ITGA8: variants seen among roughly 807,000 people sequenced by gnomAD.
The protein encoded by ITGA8 is integrin alpha-8.
Under a neutral mutation model 142.3 loss-of-function variants are expected in ITGA8, and 91 were observed. The observed-to-expected ratio is 0.64, with a 90% CI of 0.54 to 0.76. The LOEUF is 0.76. Ranked by LOEUF, ITGA8 falls within the 30% of genes least tolerant of loss-of-function variation. The pLI is 0.00. For missense variants in ITGA8, 1,406 were observed against 1,327.7 expected, an observed-to-expected ratio of 1.06 and a Z score of -0.92; for synonymous variants, 505 against 485.2, an observed-to-expected ratio of 1.04 and a Z score of -0.54.
At chr10:15,677,078 A>C (rs994045727) in intron 6 of ITGA8, among the ~76,000 whole-genome samples, 2 of 152,230 alleles carry the variant, frequency 1.3e-5, no homozygotes, top group African/African-American at 2.4e-5. Flanking sequence ...CATACATGGA[A>C]GCTAAAAAAG....
chr10:15,561,245 A>ATATATATATATATATATATG (rs1554772750), intron 25 of ITGA8, among the ~76,000 whole-genome samples: 9 of 133,820 alleles, frequency 6.7e-5, no homozygotes, highest in African/African-American at 2.3e-4. Flanking sequence ...GTATATATAT[A>ATATATATATATATATATATG]TATATATATG....
At chr10:15,612,260 T>A (rs893609463) in intron 15 of ITGA8, among the ~76,000 whole-genome samples, 1 of 152,002 alleles carries the variant, frequency 6.6e-6, no homozygotes. Flanking sequence ...GTCCTCTAAG[T>A]CCCCACCCTC....
chr10:15,546,624 G>A (rs945996014), intron 27 of ITGA8, among the ~76,000 whole-genome samples: 2 of 151,908 alleles, frequency 1.3e-5, no homozygotes, highest in Non-Finnish European at 2.9e-5. Flanking sequence ...AACACAGCGC[G>A]ATCTGGTCTA....
intron 2 of ITGA8, among the ~76,000 whole-genome samples, chr10:15,707,890 A>T (rs369074189): frequency 6.6e-6 from 1 of 151,644 alleles, no homozygotes; most frequent in Non-Finnish European, 1.5e-5. Context: ...GCCACTAAGC[A>T]TGTGGTAATT....
chr10:15,694,014 A>G (rs1256191366), intron 2 of ITGA8, among the ~76,000 whole-genome samples: 1 of 150,842 alleles, frequency 6.6e-6, no homozygotes, highest in African/African-American at 2.4e-5. Flanking sequence ...TACTACAGAG[A>G]TCTTGCAGCG....
chr10:15,671,728 C>T lies in ITGA8; in HGVS notation c.803-81G>A, dbSNP rs1465746632. On this transcript the variant is annotated intron_variant, in intron 7 of 29. Coordinates refer to ENST00000378076, the MANE Select transcript of ITGA8 (RefSeq NM_003638.3). ...TTATATCTAGAAAAAGGTGAAAGGG[C>T]TACCATGGTACTGCTTTATTTAGAA... is the stretch of plus-strand genomic sequence containing the variant. The T allele has an allele frequency of 3.8e-6, 4 of 1,060,022 alleles. No individual in the cohort carries two copies. The African/African-American group carries it at 6.2e-5, about 16-fold the overall frequency. The allele number at this position is 1,060,022 out of a possible 1,614,324, so 65.7% of individuals were successfully genotyped here.
At chr10:15,667,415 CTTTA>C (rs1417098983) in intron 8 of ITGA8, among the ~76,000 whole-genome samples, 1 of 151,788 alleles carries the variant, frequency 6.6e-6, no homozygotes, top group Non-Finnish European at 1.5e-5. Context: ...CTCTTTTCTT[CTTTA>C]TTAGTCTTGC....
chr10:15,625,901 G>A (rs370403379), intron 13 of ITGA8, among the ~76,000 whole-genome samples: 2 of 152,174 alleles, frequency 1.3e-5, no homozygotes, highest in Admixed American at 6.5e-5. Flanking sequence ...TCGAGCTGCA[G>A]ACATAGACAA....
intron 29 of ITGA8, among the ~76,000 whole-genome samples, chr10:15,519,084 A>G (rs972702441): frequency 2.6e-5 from 4 of 152,206 alleles, no homozygotes; most frequent in Non-Finnish European, 5.9e-5. Flanking sequence ...AACATTAAGC[A>G]CCTCTAGTCA....
chr10:15,582,644 A>G (rs1834430276), intron 23 of ITGA8, among the ~76,000 whole-genome samples: 1 of 152,250 alleles, frequency 6.6e-6, no homozygotes, highest in African/African-American at 2.4e-5. Flanking sequence ...CTTCACCAAA[A>G]ATGAGATATT....
chr10:15,642,539 T>C (rs1275498154), intron 13 of ITGA8, among the ~76,000 whole-genome samples: 1 of 152,190 alleles, frequency 6.6e-6, no homozygotes, highest in Non-Finnish European at 1.5e-5. Context: ...GGGACCTAGA[T>C]TTTTGAATTA....
At chr10:15,538,853 C>A (rs1398576375) in intron 27 of ITGA8, among the ~76,000 whole-genome samples, 2 of 151,102 alleles carry the variant, frequency 1.3e-5, no homozygotes, top group Admixed American at 1.3e-4. Flanking sequence ...AATTATTAAA[C>A]TTAGAATTAG....
chr10:15,572,026 A>T (rs2131581041), intron 25 of ITGA8, among the ~76,000 whole-genome samples, 185 bp downstream of exon 25: 1 of 152,344 alleles, frequency 6.6e-6, no homozygotes, highest in Middle Eastern at 3.4e-3. Flanking sequence ...AGAAATTTAA[A>T]TTTGCTAGAA....
In ITGA8 at chr10:15,525,452, G is replaced by A. The variant is rs577994526; in HGVS notation, c.2982+5598C>T. ...GAGGTCAGGAATTCAAGACCAGCCTGGCCAACATGATGAAACCCCATCTCT... is the reference window on the plus strand; with the variant it reads ...GAGGTCAGGAATTCAAGACCAGCCTAGCCAACATGATGAAACCCCATCTCT... On this transcript the variant is annotated intron_variant, in intron 28 of 29. Coordinates refer to ENST00000378076, the MANE Select transcript of ITGA8 (RefSeq NM_003638.3). Among the ~76,000 whole-genome samples the A allele has an allele frequency of 2.0e-5, 3 of 152,024 alleles. No individual in the cohort carries two copies. In the East Asian group the frequency reaches 5.8e-4, roughly 29 times the overall value.
At chr10:15,564,608 T>A (rs1834045531) in intron 25 of ITGA8, among the ~76,000 whole-genome samples, 1 of 152,272 alleles carries the variant, frequency 6.6e-6, no homozygotes, top group Admixed American at 6.5e-5. Context: ...CATCATTCTT[T>A]ACCAAACTCT....
At chr10:15,620,213 C>A (rs1471523299) in intron 13 of ITGA8, among the ~76,000 whole-genome samples, 1 of 152,054 alleles carries the variant, frequency 6.6e-6, no homozygotes, top group East Asian at 1.9e-4. Context: ...ACTAAAGATA[C>A]TAGAGATGAA....
At chr10:15,545,782 C>T (rs1021831053) in intron 27 of ITGA8, among the ~76,000 whole-genome samples, 5 of 151,864 alleles carry the variant, frequency 3.3e-5, no homozygotes, top group Admixed American at 1.3e-4. Context: ...CTAATTCATT[C>T]CTTTTTATTA....
chr10:15,551,234 T>C (rs1164243976), intron 26 of ITGA8, among the ~76,000 whole-genome samples: 6 of 149,844 alleles, frequency 4.0e-5, no homozygotes, highest in East Asian at 2.0e-4. Context: ...ACTGGAAATA[T>C]GATCATGCAA....
intron 8 of ITGA8, among the ~76,000 whole-genome samples, chr10:15,666,653 G>A (rs1428494704): frequency 3.9e-5 from 6 of 152,134 alleles, no homozygotes; most frequent in African/African-American, 1.2e-4. Context: ...TTGGCTGTGG[G>A]TTTGTCATAG....
Sources: allele counts gnomAD v4.1 joint callset (sites outside exome capture counted in the v4.1 genomes callset), GRCh38; gene constraint gnomAD v4.1.1; transcripts MANE v1.5; gene names NCBI Gene and HGNC (gene_info 2026-07-23, HGNC 2026-07-21).